Variants in GABRA6 observed in about 807,000 individuals in gnomAD.
The protein encoded by GABRA6 is gamma-aminobutyric acid receptor subunit alpha-6.
In GABRA6, 45 loss-of-function variants were observed where a neutral mutation model predicts 47.3. The observed-to-expected ratio is 0.95, with a 90% CI of 0.75 to 1.22. GABRA6 has a LOEUF of 1.22. Ranked by LOEUF, GABRA6 falls within the 50% of genes most tolerant of loss-of-function variation. The probability of loss-of-function intolerance (pLI) is 0.00; values close to 1 mark genes in which losing one functional copy is unlikely to be tolerated. For synonymous variants in GABRA6, 219 were observed against 194.7 expected (o/e 1.12, Z -1.04); for missense variants, 583 against 549.3 (o/e 1.06, Z -0.61).
chr5:161,693,492 G>T (rs1254558733), intron 8 of GABRA6, among the ~76,000 whole-genome samples: 1 of 152,048 alleles, frequency 6.6e-6, no homozygotes, highest in Non-Finnish European at 1.5e-5. Context: ...TTTCTAGTTG[G>T]TAGAAAATCT....
At chr5:161,689,863 G>C in intron 6 of GABRA6, 84 bp downstream of exon 6, 2 of 1,412,500 alleles carry the variant, frequency 1.4e-6, no homozygotes, top group African/African-American at 1.4e-5. Context: ...TTTTTCCTTC[G>C]CCTTAGCCAT....
At position 161,702,549 on chromosome 5, in the gene GABRA6, C is replaced by T. The variant is rs1450720319; in HGVS notation, c.*776C>T. The stretch of plus-strand genomic sequence containing the variant: ...TGACTATGGTTATCTCTTGTGTTTT[C>T]CACATTTCCAATTATAACACTAAAT... On this transcript the variant is annotated 3_prime_UTR_variant, in exon 9 of 9. Coordinates refer to ENST00000274545, the MANE Select transcript of GABRA6 (RefSeq NM_000811.3). The T allele has an allele frequency of 1.3e-5, 2 of 152,040 alleles. No homozygotes were observed. The highest frequency in any genetic ancestry group is 4.8e-5 in the African/African-American group (2 of 41,388). The allele number at this position is 152,040 out of a possible 1,614,324, so 9.4% of individuals were successfully genotyped here. A position where few individuals can be genotyped will look rare whatever the true frequency, so the allele number is the denominator to read the frequency against.
chr5:161,695,063 A>C (rs548674664), intron 8 of GABRA6, among the ~76,000 whole-genome samples: 1 of 152,292 alleles, frequency 6.6e-6, no homozygotes, highest in African/African-American at 2.4e-5. Context: ...GAAACAGCAA[A>C]CTAATGTGGT....
intron 8 of GABRA6, among the ~76,000 whole-genome samples, chr5:161,699,256 C>A (rs1432490461): frequency 1.3e-5 from 2 of 152,164 alleles, no homozygotes; most frequent in Non-Finnish European, 2.9e-5. Context: ...AGGCTGGCTT[C>A]TTTCTACTCT....
chr5:161,686,373 C>G, intron 2 of GABRA6, 25 bp downstream of exon 2: 4 of 1,522,204 alleles, frequency 2.6e-6, no homozygotes, highest in Non-Finnish European at 3.6e-6. Flanking sequence ...CTTTGCTACA[C>G]AAACACCTGT....
chr5:161,702,095 T>C lies in GABRA6; in HGVS notation c.*322T>C, dbSNP rs1368017849. On this transcript the variant is annotated 3_prime_UTR_variant, in exon 9 of 9. Coordinates refer to ENST00000274545, the MANE Select transcript of GABRA6 (RefSeq NM_000811.3). ...TTTAATTGTCACTGTAAATAACATT[T>C]ACCACAAGGCAGATAAAATAAGAAA... 3.1e-6 allele frequency: 1 copy of C among 321,606 alleles called. No individual in the cohort carries two copies. Among genetic ancestry groups the C allele is most frequent in the Non-Finnish European group, 5.9e-6 (1 of 170,284 alleles). 19.9% of individuals were successfully genotyped at this position (321,606 alleles called of 1,614,324 possible).
Position 161,692,034 on chromosome 5 carries a change from T to A in GABRA6, c.920T>A (p.Ile307Lys), listed in dbSNP as rs781169686. 1 of 1,614,200 alleles carries A rather than the reference T, an allele frequency of 6.2e-7. No homozygotes were observed. The highest frequency in any genetic ancestry group is 8.5e-7 in the Non-Finnish European group (1 of 1,180,026). ...VSYATAMDWF[I>K]AVCFAFVFSA... ...TATGCCACTGCCATGGATTGGTTCA[T>A]AGCTGTTTGCTTTGCATTCGTCTTC... The change falls in exon 8 of 9, where the codon ATA (isoleucine) becomes AAA (lysine). Residue 307 changes from isoleucine (I) to lysine (K), a missense_variant. Transcript: ENST00000274545.
chr5:161,689,470 T>A (rs1754755431), intron 5 of GABRA6, 134 bp downstream of exon 5: 2 of 1,014,324 alleles, frequency 2.0e-6, no homozygotes, highest in African/African-American at 3.2e-5. Flanking sequence ...ATATACTTAA[T>A]CATTCTGTCA....
intron 8 of GABRA6, among the ~76,000 whole-genome samples, chr5:161,701,065 T>G (rs1754971442): frequency 6.6e-6 from 1 of 152,114 alleles, no homozygotes; most frequent in African/African-American, 2.4e-5. Flanking sequence ...AGGCTGTAAT[T>G]TTTTTGTACT....
intron 7 of GABRA6, 60 bp from the exon 8 acceptor site, chr5:161,691,881 T>A (rs1754799215): frequency 6.7e-7 from 1 of 1,492,858 alleles, no homozygotes; most frequent in Non-Finnish European, 9.3e-7. Flanking sequence ...ACATTCTCAT[T>A]TGATTTTGCC....
chr5:161,693,006 A>C (rs1227021669), intron 8 of GABRA6, among the ~76,000 whole-genome samples: 1 of 152,186 alleles, frequency 6.6e-6, no homozygotes, highest in Non-Finnish European at 1.5e-5. Context: ...ATAAATTTTT[A>C]TTTTAATACA....
rs1435172872 is a variant in GABRA6, at chr5:161,701,917, G to A, written c.*144G>A. Reference sequence around the variant, plus strand: ...TCTGTAACGCAGCTTCCGTAAGCATGTGTGGGCAAAAAAGCAATAATCCTA... The same window carrying A: ...TCTGTAACGCAGCTTCCGTAAGCATATGTGGGCAAAAAAGCAATAATCCTA... On this transcript the variant is annotated 3_prime_UTR_variant, in exon 9 of 9. Coordinates refer to ENST00000274545, the MANE Select transcript of GABRA6 (RefSeq NM_000811.3). 3.6e-6 allele frequency: 3 copies of A among 829,540 alleles called. No homozygotes were observed. Among genetic ancestry groups the A allele is most frequent in the East Asian group, 2.6e-5 (1 of 38,350 alleles). The allele number at this position is 829,540 out of a possible 1,614,324, so 51.4% of individuals were successfully genotyped here.
At position 161,685,764 on chromosome 5, in the gene GABRA6, C is replaced by A; in HGVS notation, c.-226C>A. ...GTCTGCAGGACATAATCTAAGACCA[C>A]AAACCACCTTGTTCCACGTGAGAAG... On this transcript the variant is annotated 5_prime_UTR_variant, in exon 1 of 9. Coordinates refer to ENST00000274545, the MANE Select transcript of GABRA6 (RefSeq NM_000811.3). 1.7e-6 allele frequency: 1 copy of A among 602,776 alleles called. No homozygotes were observed. The highest frequency in any genetic ancestry group is 3.0e-6 in the Non-Finnish European group (1 of 338,764). 37.3% of individuals were successfully genotyped at this position (602,776 alleles called of 1,614,324 possible). A position where few individuals can be genotyped will look rare whatever the true frequency, so the allele number is the denominator to read the frequency against.
intron 1 of GABRA6, 53 bp downstream of exon 1, chr5:161,686,080 AG>A: frequency 6.4e-7 from 1 of 1,551,006 alleles, no homozygotes; most frequent in Non-Finnish European, 8.9e-7. Flanking sequence ...GGAAAGGAAA[AG>A]TATACATCCA....
rs369485754 is a variant in GABRA6, at chr5:161,691,931, T to C, written c.827-10T>C. ...ACTAATATTACAATTCCTATTCTTTTTTATTTTAGGGATCACCACTGTTTT... is the reference window on the plus strand; with the variant it reads ...ACTAATATTACAATTCCTATTCTTTCTTATTTTAGGGATCACCACTGTTTT... On this transcript the variant is annotated splice_polypyrimidine_tract_variant and intron_variant, in intron 7 of 8. Coordinates refer to ENST00000274545, the MANE Select transcript of GABRA6 (RefSeq NM_000811.3). The C allele has an allele frequency of 1.1e-5, 17 of 1,612,426 alleles. No individual in the cohort carries two copies. The highest frequency in any genetic ancestry group is 1.4e-5 in the Non-Finnish European group (16 of 1,178,536).
At position 161,685,832 on chromosome 5, in the gene GABRA6, AG is replaced by A; in HGVS notation, c.-156del. ...AGCCAGGGGAATCCTGCAAATTTTT[AG>A]GCAACCTCTTTATCTATTGGATTAC... On this transcript the variant is annotated 5_prime_UTR_variant, in exon 1 of 9. Transcript: ENST00000274545. The A allele has an allele frequency of 1.4e-6, 1 of 693,564 alleles. No individual in the cohort carries two copies. The highest frequency in any genetic ancestry group is 1.6e-5 in the South Asian group (1 of 64,240). The allele number at this position is 693,564 out of a possible 1,614,324, so 43.0% of individuals were successfully genotyped here.
chr5:161,693,673 T>C (rs1358081276), intron 8 of GABRA6, among the ~76,000 whole-genome samples: 1 of 151,460 alleles, frequency 6.6e-6, no homozygotes, highest in Non-Finnish European at 1.5e-5. Context: ...AAAAAATTGC[T>C]CTGTGGTGGT....
chr5:161,697,249 C>G (rs1441081504), intron 8 of GABRA6, among the ~76,000 whole-genome samples: 3 of 152,220 alleles, frequency 2.0e-5, no homozygotes, highest in Non-Finnish European at 4.4e-5. Context: ...TGACAAAAGC[C>G]TATTTTACCA....
intron 1 of GABRA6, 62 bp from the exon 2 acceptor site, chr5:161,686,167 GT>G: frequency 7.0e-7 from 1 of 1,422,536 alleles, no homozygotes; most frequent in East Asian, 2.3e-5. Flanking sequence ...GTGGAATAGA[GT>G]AGATTAGACA....
Sources: gnomAD v4.1 joint callset for allele counts (sites outside exome capture counted in the v4.1 genomes callset) on GRCh38, gnomAD v4.1.1 for gene constraint, MANE v1.5 for transcripts, NCBI Gene and HGNC (gene_info 2026-07-23, HGNC 2026-07-21) for gene names.